Variants in ATXN8OS observed in about 807,000 individuals in gnomAD.
The protein encoded by ATXN8OS is ATXN8 opposite strand (non-protein coding).
chr13:70,142,366 G>T (rs1888729548), intron 3 of ATXN8OS, among the ~76,000 whole-genome samples: 1 of 152,214 alleles, frequency 6.6e-6, no homozygotes, highest in Non-Finnish European at 1.5e-5. Flanking sequence ...ATTTAAAATT[G>T]TTATTAATTT....
intron 4 of ATXN8OS, among the ~76,000 whole-genome samples, chr13:70,164,483 T>C (rs1311256120): frequency 6.6e-6 from 1 of 151,788 alleles, no homozygotes; most frequent in Non-Finnish European, 1.5e-5. Flanking sequence ...AGTTAAAAAA[T>C]TAGGATATTT....
chr13:70,152,957 C>A (rs1013090349), intron 4 of ATXN8OS, among the ~76,000 whole-genome samples: 1 of 147,948 alleles, frequency 6.8e-6, no homozygotes, highest in East Asian at 2.0e-4. Flanking sequence ...TATGAAGGAG[C>A]CTAATCAGAA....
intron 4 of ATXN8OS, among the ~76,000 whole-genome samples, chr13:70,154,935 T>A (rs1593775253): frequency 6.6e-6 from 1 of 152,212 alleles, no homozygotes; most frequent in African/African-American, 2.4e-5. Flanking sequence ...GCAGTGGTCA[T>A]GTGAAATCCT....
At chr13:70,154,556 A>G (rs1017510770) in intron 4 of ATXN8OS, among the ~76,000 whole-genome samples, 30 of 152,320 alleles carry the variant, frequency 2.0e-4, no homozygotes, top group African/African-American at 7.0e-4. Flanking sequence ...TTAAAGAAAG[A>G]TAAAATTTAA....
chr13:70,169,575 G>A (rs1889120161), intron 4 of ATXN8OS, among the ~76,000 whole-genome samples: 1 of 152,076 alleles, frequency 6.6e-6, no homozygotes, highest in East Asian at 1.9e-4. Flanking sequence ...TTACAGGGGT[G>A]AGCCACGGCG....
intron 3 of ATXN8OS, among the ~76,000 whole-genome samples, chr13:70,135,641 T>G (rs1265746602): frequency 6.9e-6 from 1 of 144,370 alleles, no homozygotes; most frequent in Non-Finnish European, 1.6e-5. Context: ...TTTTCTTACA[T>G]TCCTTTCCCT....
At chr13:70,142,006 C>A (rs1888725084) in intron 3 of ATXN8OS, among the ~76,000 whole-genome samples, 1 of 152,104 alleles carries the variant, frequency 6.6e-6, no homozygotes, top group African/African-American at 2.4e-5. Flanking sequence ...GCCTCAGACT[C>A]CTGAGTAGCT....
intron 3 of ATXN8OS, chr13:70,139,444 TA>T (rs1365552477): frequency 1.4e-6 from 1 of 690,532 alleles, no homozygotes; most frequent in African/African-American, 1.9e-5. Flanking sequence ...TTTAAAAATA[TA>T]TTATCTTATT....
intron 3 of ATXN8OS, among the ~76,000 whole-genome samples, chr13:70,146,585 TA>T (rs1221947635): frequency 3.0e-4 from 46 of 152,164 alleles, no homozygotes; most frequent in African/African-American, 9.6e-4. Flanking sequence ...TATGCAGCCA[TA>T]AAAAATGATG....
At chr13:70,108,016 C>T (rs1341566493) in exon 1 of ATXN8OS, 5 of 439,370 alleles carry the variant, frequency 1.1e-5, no homozygotes, top group Admixed American at 3.8e-5. Context: ...CGTGTTATGG[C>T]GAGGTGGGAC....
intron 3 of ATXN8OS, among the ~76,000 whole-genome samples, chr13:70,134,247 A>G (rs1593765511): frequency 6.6e-6 from 1 of 152,216 alleles, no homozygotes; most frequent in East Asian, 1.9e-4. Flanking sequence ...GGATTCAAAC[A>G]ATAAAGATTC....
intron 4 of ATXN8OS, among the ~76,000 whole-genome samples, chr13:70,157,554 T>TAA (rs35761437): frequency 7.2e-4 from 106 of 147,582 alleles, no homozygotes; most frequent in Middle Eastern, 3.5e-3. Flanking sequence ...TACCAGCAGT[T>TAA]AAAAAAAAAA....
intron 3 of ATXN8OS, among the ~76,000 whole-genome samples, chr13:70,137,973 A>G (rs1237466108): frequency 6.6e-6 from 1 of 152,212 alleles, no homozygotes; most frequent in East Asian, 1.9e-4. Context: ...CAGGGGATAG[A>G]GAGAGCAAAG....
intron 3 of ATXN8OS, chr13:70,139,374 ACTACTACTACTGCTGCTGCTG>A (rs1451488577): frequency 3.7e-5 from 24 of 648,884 alleles, no homozygotes; most frequent in African/African-American, 1.3e-4. Context: ...TACTACTACT[ACTACTACTACTGCTGCTGCTG>A]CTGCTGCTGC....
chr13:70,128,021 T>G (rs1169543045), intron 2 of ATXN8OS, among the ~76,000 whole-genome samples: 1 of 151,930 alleles, frequency 6.6e-6, no homozygotes, highest in East Asian at 1.9e-4. Flanking sequence ...ATTTTACTAT[T>G]TTATTAAATT....
chr13:70,113,115 T>A (rs1888221624), intron 1 of ATXN8OS, among the ~76,000 whole-genome samples: 1 of 151,574 alleles, frequency 6.6e-6, no homozygotes, highest in Admixed American at 6.6e-5. Context: ...AGAGACGGGG[T>A]TTCACCATAT....
chr13:70,108,279 G>A (rs1342480025), intron 1 of ATXN8OS: 5 of 372,098 alleles, frequency 1.3e-5, no homozygotes, highest in African/African-American at 6.2e-5. Flanking sequence ...TGGCCTTTTC[G>A]AGGATGCCCC....
chr13:70,166,359 C>T lies in ATXN8OS; in HGVS notation n.574-3394C>T, dbSNP rs115931918. Among the ~76,000 whole-genome samples, 1,035 of 152,004 alleles carry T rather than the reference C, an allele frequency of 6.8e-3. 9 individuals carry two copies. The highest frequency in any genetic ancestry group is 0.022 in the African/African-American group (918 of 41,476). The stretch of plus-strand genomic sequence containing the variant: ...CAGAACAGAACCCTCAGAAATAATC[C>T]GCATATCTACAACCATCTGATCTTT... On this transcript the variant is annotated intron_variant and non_coding_transcript_variant, in intron 4 of 4. Coordinates refer to ENST00000678624, the Ensembl canonical transcript of ATXN8OS.
chr13:70,163,483 G>C (rs917607850), intron 4 of ATXN8OS, among the ~76,000 whole-genome samples: 2 of 151,940 alleles, frequency 1.3e-5, no homozygotes, highest in African/African-American at 4.8e-5. Context: ...TTCCCTGCTG[G>C]TCTTTTCCTT....
Sources: allele counts gnomAD v4.1 joint callset (sites outside exome capture counted in the v4.1 genomes callset), GRCh38; gene constraint gnomAD v4.1.1; transcripts MANE v1.5; gene names NCBI Gene and HGNC (gene_info 2026-07-23, HGNC 2026-07-21).